Variants in SH2D4B observed in about 807,000 individuals in gnomAD.
The protein encoded by SH2D4B is SH2 domain containing 4B.
In SH2D4B, 45 loss-of-function variants were observed where a neutral mutation model predicts 61.5. That is an observed-to-expected ratio of 0.73 (90% CI 0.58 to 0.94). The LOEUF is 0.94. SH2D4B is among the 40% of genes least tolerant of loss of function. SH2D4B has a pLI of 0.00. For missense variants in SH2D4B, 572 were observed against 574.2 expected (o/e 1.00, Z 0.04); for synonymous variants, 224 against 220.4 (o/e 1.02, Z -0.14).
intron 4 of SH2D4B, among the ~76,000 whole-genome samples, chr10:80,598,484 T>A (rs1249289980): frequency 6.6e-6 from 1 of 152,156 alleles, no homozygotes; most frequent in East Asian, 1.9e-4. Flanking sequence ...ATCTTAGCCT[T>A]TCTTAAAGAA....
At chr10:80,610,798 T>G (rs1842587597) in intron 6 of SH2D4B, among the ~76,000 whole-genome samples, 2 of 152,186 alleles carry the variant, frequency 1.3e-5, no homozygotes, top group African/African-American at 4.8e-5. Context: ...GTTTATTTCT[T>G]ACACATGTTA....
At chr10:80,628,530 G>C (rs950733237) in intron 6 of SH2D4B, among the ~76,000 whole-genome samples, 2 of 152,102 alleles carry the variant, frequency 1.3e-5, no homozygotes, top group African/African-American at 4.8e-5. Flanking sequence ...CATGAAAACG[G>C]ACTTATACAG....
Position 80,625,886 on chromosome 10 carries a change from T to A in SH2D4B, c.989-8399T>A, listed in dbSNP as rs568882289. Among the ~76,000 whole-genome samples the A allele has an allele frequency of 3.3e-5, 5 of 152,320 alleles. No homozygotes were observed. The East Asian group carries it at 9.6e-4, about 29-fold the overall frequency. On this transcript the variant is annotated intron_variant, in intron 6 of 7. Coordinates refer to ENST00000646907, the MANE Select transcript of SH2D4B (RefSeq NM_001388272.1). ...ACCATGCCTGGCCTGTTTTTGAATATTTTTGATCTGTACTTGGTTGAATCT... is the reference window on the plus strand; with the variant it reads ...ACCATGCCTGGCCTGTTTTTGAATAATTTTGATCTGTACTTGGTTGAATCT...
chr10:80,574,521 T>C (rs1279707621), intron 3 of SH2D4B, among the ~76,000 whole-genome samples: 2 of 152,222 alleles, frequency 1.3e-5, no homozygotes, highest in Admixed American at 1.3e-4. Flanking sequence ...TTTAAACCTA[T>C]TGTACTTGCT....
At chr10:80,600,408 G>C (rs1044038588) in intron 4 of SH2D4B, among the ~76,000 whole-genome samples, 1 of 152,152 alleles carries the variant, frequency 6.6e-6, no homozygotes, top group Non-Finnish European at 1.5e-5. Context: ...AGGGGAGTAG[G>C]GTGGGCCTGA....
chr10:80,609,323 A>C (rs1242967866), intron 5 of SH2D4B, 101 bp from the exon 6 acceptor site: 219 of 777,932 alleles, frequency 2.8e-4, no homozygotes, highest in South Asian at 1.3e-3. Flanking sequence ...TCCTCCTTTT[A>C]CCTTCCTCTC....
At chr10:80,544,794 C>T (rs189115689) in intron 1 of SH2D4B, among the ~76,000 whole-genome samples, 2 of 152,248 alleles carry the variant, frequency 1.3e-5, no homozygotes, top group Non-Finnish European at 2.9e-5. Flanking sequence ...AGTTAGCTCA[C>T]GTATCCCCCT....
At chr10:80,607,357 G>A (rs1216262798) in intron 5 of SH2D4B, 2 of 152,262 alleles carry the variant, frequency 1.3e-5, no homozygotes, top group Non-Finnish European at 2.9e-5. Flanking sequence ...GAAGAAGAAA[G>A]ACATCTGAGG....
chr10:80,592,181 A>G (rs11186196), intron 4 of SH2D4B, among the ~76,000 whole-genome samples: 18,457 of 152,230 alleles, frequency 0.12, 1,258 homozygotes, highest in East Asian at 0.25. Context: ...ATGGCTGTTT[A>G]TATATCATCT....
At chr10:80,578,024 G>T (rs1842146826) in intron 3 of SH2D4B, among the ~76,000 whole-genome samples, 1 of 151,372 alleles carries the variant, frequency 6.6e-6, no homozygotes, top group Non-Finnish European at 1.5e-5. Context: ...AGGCCAGAGT[G>T]CAGTGGCACA....
intron 4 of SH2D4B, among the ~76,000 whole-genome samples, 159 bp downstream of exon 4, chr10:80,588,936 G>T (rs188616371): frequency 6.6e-6 from 1 of 152,154 alleles, no homozygotes; most frequent in African/African-American, 2.4e-5. Context: ...AGAATTTAGA[G>T]GGTAAGTTAG....
chr10:80,546,008 C>CTCTT (rs78171203), intron 1 of SH2D4B, among the ~76,000 whole-genome samples: 1 of 148,698 alleles, frequency 6.7e-6, no homozygotes, highest in Non-Finnish European at 1.5e-5. Context: ...CTTTCTCTCT[C>CTCTT]TCTTTCTTTC....
At chr10:80,618,026 G>A (rs1264359582) in intron 6 of SH2D4B, among the ~76,000 whole-genome samples, 4 of 152,172 alleles carry the variant, frequency 2.6e-5, no homozygotes, top group Non-Finnish European at 5.9e-5. Context: ...AGAGTAGGTG[G>A]GTGGAGAACA....
At position 80,617,654 on chromosome 10, in the gene SH2D4B, A is replaced by G. The variant is rs559499116; in HGVS notation, c.988+8103A>G. On this transcript the variant is annotated intron_variant, in intron 6 of 7. Coordinates refer to ENST00000646907, the MANE Select transcript of SH2D4B (RefSeq NM_001388272.1). ...CAAAAAATTCAAACTGATGTAACCT[A>G]AAAGAGAATTTTCAGCTCATAAGAC... 2.0e-5 allele frequency among the ~76,000 whole-genome samples: 3 copies of G among 152,336 alleles called. No homozygotes were observed. The South Asian group carries it at 6.2e-4, about 32-fold the overall frequency.
intron 7 of SH2D4B, among the ~76,000 whole-genome samples, chr10:80,639,452 T>C (rs1840249727): frequency 1.3e-5 from 2 of 151,134 alleles, no homozygotes; most frequent in Admixed American, 6.6e-5. Flanking sequence ...GGACTTGCTT[T>C]ATCTGGGTGC....
chr10:80,558,027 T>C (rs1422195712), intron 1 of SH2D4B, among the ~76,000 whole-genome samples: 2 of 152,136 alleles, frequency 1.3e-5, no homozygotes, highest in African/African-American at 4.8e-5. Flanking sequence ...TTTTTACATG[T>C]TATTTAAAAT....
chr10:80,547,292 C>T (rs1423843348), intron 1 of SH2D4B, among the ~76,000 whole-genome samples: 1 of 152,238 alleles, frequency 6.6e-6, no homozygotes, highest in Admixed American at 6.5e-5. Flanking sequence ...CTGCCTTGCG[C>T]CCCATCCCTA....
rs115040042 is a variant in SH2D4B, at chr10:80,614,607, T to C, written c.988+5056T>C. ...CATTTTTGATGGCTGCACCTTGCTA[T>C]TGGGCAGTCTTGATGGCTAGCGAAC... is the stretch of plus-strand genomic sequence containing the variant. On this transcript the variant is annotated intron_variant, in intron 6 of 7. Transcript: ENST00000646907. Among the ~76,000 whole-genome samples, 279 of 152,370 alleles carry C rather than the reference T, an allele frequency of 1.8e-3. 1 individual carries two copies. Among genetic ancestry groups the C allele is most frequent in the African/African-American group, 6.6e-3 (273 of 41,586 alleles).
intron 1 of SH2D4B, among the ~76,000 whole-genome samples, chr10:80,549,985 C>A (rs1245598897): frequency 6.9e-6 from 1 of 145,012 alleles, no homozygotes; most frequent in African/African-American, 2.5e-5. Flanking sequence ...AATTAATTAA[C>A]AATTAATAAT....
Sources: allele counts gnomAD v4.1 joint callset (sites outside exome capture counted in the v4.1 genomes callset), GRCh38; gene constraint gnomAD v4.1.1; transcripts MANE v1.5; gene names NCBI Gene and HGNC (gene_info 2026-07-23, HGNC 2026-07-21).